CDH4: variants seen among roughly 807,000 people sequenced by gnomAD.
CDH4 encodes the protein cadherin 4.
CDH4 carries 33 observed loss-of-function variants against 86.0 expected under a neutral mutation model. The ratio of observed to expected loss-of-function variants is 0.38; its 90% CI spans 0.29 to 0.51. CDH4 has a LOEUF of 0.51. Ranked by LOEUF, CDH4 falls within the 20% of genes least tolerant of loss-of-function variation. The pLI, the probability that CDH4 is intolerant of heterozygous loss-of-function variation, is 0.86. For synonymous variants in CDH4, 555 were observed against 549.4 expected (o/e 1.01, Z -0.14); for missense variants, 1,114 against 1,307.4 (o/e 0.85, Z 2.28).
intron 5 of CDH4, among the ~76,000 whole-genome samples, chr20:61,850,931 G>A (rs766319529): frequency 1.6e-4 from 25 of 152,382 alleles, no homozygotes; most frequent in Non-Finnish European, 2.9e-4. Context: ...CCGCACTCGC[G>A]CTGCTCCCGC....
intron 2 of CDH4, among the ~76,000 whole-genome samples, chr20:61,435,355 A>ACCTGT (rs1404390906): frequency 1.3e-5 from 2 of 152,200 alleles, no homozygotes; most frequent in Non-Finnish European, 2.9e-5. Context: ...TTGGACCTGC[A>ACCTGT]CCTGTGAAAC....
chr20:61,653,658 A>G, intron 2 of CDH4, among the ~76,000 whole-genome samples: 1 of 92,828 alleles, frequency 1.1e-5, no homozygotes, highest in African/African-American at 3.4e-5. Context: ...GGGGCTCCTC[A>G]CTTCTCAGAC....
intron 2 of CDH4, among the ~76,000 whole-genome samples, chr20:61,665,946 C>T (rs1001967071): frequency 9.9e-5 from 15 of 152,168 alleles, no homozygotes; most frequent in Non-Finnish European, 1.6e-4. Context: ...TAAGGTCACG[C>T]GTTGGAAGGT....
At chr20:61,764,026 G>A (rs536451715) in intron 3 of CDH4, among the ~76,000 whole-genome samples, 2 of 152,314 alleles carry the variant, frequency 1.3e-5, no homozygotes, top group East Asian at 1.9e-4. Context: ...GAAATGATCC[G>A]AGTTTTGCTG....
At chr20:61,331,669 CT>C (rs2084579098) in intron 2 of CDH4, among the ~76,000 whole-genome samples, 12 of 144,552 alleles carry the variant, frequency 8.3e-5, no homozygotes, top group Middle Eastern at 3.6e-3. Flanking sequence ...CTGCCCCAGG[CT>C]CACCTCCTGC....
chr20:61,307,320 C>T (rs1173132047), intron 2 of CDH4, among the ~76,000 whole-genome samples: 1 of 152,008 alleles, frequency 6.6e-6, no homozygotes, highest in Non-Finnish European at 1.5e-5. Context: ...AGCTTACATG[C>T]TCCAACACGC....
At chr20:61,348,617 A>G (rs889333450) in intron 2 of CDH4, among the ~76,000 whole-genome samples, 3 of 152,206 alleles carry the variant, frequency 2.0e-5, no homozygotes, top group African/African-American at 7.2e-5. Context: ...TAAATAACCC[A>G]GGATCAGTTT....
At chr20:61,355,011 G>A (rs1246049888) in intron 2 of CDH4, among the ~76,000 whole-genome samples, 3 of 151,688 alleles carry the variant, frequency 2.0e-5, no homozygotes, top group Non-Finnish European at 2.9e-5. Flanking sequence ...AAGCAAAGCC[G>A]ATGTAATTCT....
At chr20:61,561,029 G>A (rs776655881) in intron 2 of CDH4, among the ~76,000 whole-genome samples, 4 of 152,206 alleles carry the variant, frequency 2.6e-5, no homozygotes, top group Middle Eastern at 3.4e-3. Context: ...TTATGCCCCG[G>A]GCCCAGGTCC....
intron 4 of CDH4, among the ~76,000 whole-genome samples, chr20:61,839,437 TTGTG>T (rs1455635484): frequency 2.0e-5 from 3 of 150,476 alleles, no homozygotes; most frequent in Non-Finnish European, 4.4e-5. Flanking sequence ...ATGTGTGTGT[TTGTG>T]TATTGAGTAT....
At chr20:61,282,754 G>A (rs957272292) in intron 2 of CDH4, among the ~76,000 whole-genome samples, 9 of 152,380 alleles carry the variant, frequency 5.9e-5, no homozygotes, top group Non-Finnish European at 1.2e-4. Context: ...TAAATGTGAT[G>A]TGCTGTGTAT....
rs148680733 is a variant in CDH4, at chr20:61,254,884, A to G, written c.116A>G (p.Asp39Gly). The G allele has an allele frequency of 5.0e-6, 8 of 1,613,434 alleles. No homozygotes were observed. The highest frequency in any genetic ancestry group is 1.3e-5 in the African/African-American group (1 of 74,916). The change falls in exon 2 of 16, where the codon GAT becomes GGT. Residue 39 changes from aspartate to glycine, a missense_variant. Asp to Gly is a moderately conservative substitution (Grantham distance 94). This residue lies in a region of CDH4 where 221 missense variants were observed against 209.5 expected (regional missense o/e 1.05). Transcript: ENST00000614565. ...ETCKAGFSED[D>G]YTALISQNIL... Reference sequence around the variant, plus strand: ...TGCAAGGCTGGGTTCTCTGAAGATGATTACACGGCATTAATCTCCCAAAAT... The same window carrying G: ...TGCAAGGCTGGGTTCTCTGAAGATGGTTACACGGCATTAATCTCCCAAAAT...
At chr20:61,414,600 T>G (rs1236735672) in intron 2 of CDH4, among the ~76,000 whole-genome samples, 3 of 152,198 alleles carry the variant, frequency 2.0e-5, no homozygotes, top group Non-Finnish European at 2.9e-5. Context: ...TCACTATTGT[T>G]GCAAGCACAG....
intron 3 of CDH4, among the ~76,000 whole-genome samples, chr20:61,767,107 G>C (rs1409732077): frequency 6.6e-6 from 1 of 152,208 alleles, no homozygotes; most frequent in Non-Finnish European, 1.5e-5. Flanking sequence ...GACTGTGTCT[G>C]GGAAGTCACT....
At chr20:61,533,410 A>G (rs1050374273) in intron 2 of CDH4, among the ~76,000 whole-genome samples, 2 of 152,218 alleles carry the variant, frequency 1.3e-5, no homozygotes, top group African/African-American at 4.8e-5. Flanking sequence ...GCGTCGCCCA[A>G]GTCCTGCTGC....
chr20:61,780,513 C>T (rs151130575), intron 4 of CDH4, among the ~76,000 whole-genome samples: 97 of 152,304 alleles, frequency 6.4e-4, no homozygotes, highest in African/African-American at 2.1e-3. Context: ...GTGAGAATGA[C>T]GGACACGGCC....
At chr20:61,369,084 C>G (rs975881878) in intron 2 of CDH4, among the ~76,000 whole-genome samples, 2 of 151,958 alleles carry the variant, frequency 1.3e-5, no homozygotes, top group Non-Finnish European at 2.9e-5. Context: ...ATGTATAGAC[C>G]GATTAAATCC....
At chr20:61,458,026 T>C (rs1307499402) in intron 2 of CDH4, among the ~76,000 whole-genome samples, 3 of 150,788 alleles carry the variant, frequency 2.0e-5, no homozygotes, top group African/African-American at 7.3e-5. Flanking sequence ...ATGGTTATGA[T>C]GTTGATGGCA....
intron 2 of CDH4, among the ~76,000 whole-genome samples, chr20:61,303,275 T>A (rs75699765): frequency 0.026 from 3,935 of 152,202 alleles, 128 homozygotes; most frequent in East Asian, 0.13. Flanking sequence ...CCAGCCTGGG[T>A]CAAGGAGGGC....
Sources: allele counts gnomAD v4.1 joint callset (sites outside exome capture counted in the v4.1 genomes callset), GRCh38; gene constraint gnomAD v4.1.1; regional missense constraint gnomAD v4.1.1; transcripts MANE v1.5; gene names NCBI Gene and HGNC (gene_info 2026-07-23, HGNC 2026-07-21).